Variants in RUNX2 observed in about 807,000 individuals in gnomAD.
RUNX2 encodes RUNX family transcription factor 2.
Under a neutral mutation model 51.7 loss-of-function variants are expected in RUNX2, and 10 were observed. The observed-to-expected ratio is 0.19, with a 90% CI of 0.12 to 0.33. The LOEUF is 0.33. Among genes scored for constraint, RUNX2 ranks in the 10% least tolerant of loss-of-function variants. The pLI is 1.00. For synonymous variants in RUNX2, 276 were observed against 273.6 expected (o/e 1.01, Z -0.09); for missense variants, 562 against 691.3 (o/e 0.81, Z 2.10).
intron 4 of RUNX2, among the ~76,000 whole-genome samples, chr6:45,435,348 C>T (rs1428977849): frequency 6.6e-6 from 1 of 152,016 alleles, no homozygotes; most frequent in Non-Finnish European, 1.5e-5. Context: ...AATTTATGGA[C>T]AATCTATTTT....
In RUNX2 at chr6:45,431,877, A is replaced by G. The variant is rs1172811597; in HGVS notation, c.438A>G (p.Gly146=). ...LPVAFKVVAL[G]EVPDGTVVTV... is the part of the protein sequence containing the mutation. ...GTTTTATGTAGGTGGTAGCCCTCGG[A>G]GAGGTACCAGATGGGACTGTGGTTA... Residue 146 remains glycine, a synonymous_variant, in exon 4 of 9, where the codon GGA becomes GGG. Transcript: ENST00000647337. 1.1e-5 allele frequency: 18 copies of G among 1,613,996 alleles called. No individual in the cohort carries two copies. Among genetic ancestry groups the G allele is most frequent in the East Asian group, 4.5e-5 (2 of 44,894 alleles).
intron 2 of RUNX2, among the ~76,000 whole-genome samples, chr6:45,329,368 T>C (rs1202369359): frequency 6.6e-6 from 1 of 151,978 alleles, no homozygotes; most frequent in Admixed American, 6.6e-5. Flanking sequence ...CAACTTTATA[T>C]AAGTATACAT....
chr6:45,544,146 A>G (rs913803954), intron 7 of RUNX2, among the ~76,000 whole-genome samples: 1 of 152,114 alleles, frequency 6.6e-6, no homozygotes, highest in Non-Finnish European at 1.5e-5. Context: ...GAAAGAGTCC[A>G]TTCTCAAGAC....
intron 2 of RUNX2, among the ~76,000 whole-genome samples, chr6:45,411,737 C>T (rs1236285594): frequency 6.6e-6 from 1 of 152,072 alleles, no homozygotes; most frequent in African/African-American, 2.4e-5. Flanking sequence ...ACACTTCAAC[C>T]AGTTTTCATG....
intron 5 of RUNX2, among the ~76,000 whole-genome samples, chr6:45,476,498 T>C (rs1001125326): frequency 2.6e-5 from 4 of 152,220 alleles, no homozygotes; most frequent in Admixed American, 1.3e-4. Flanking sequence ...TTTTGCCTAC[T>C]CTCTGGCCTG....
chr6:45,359,080 CT>C (rs1482085056), intron 2 of RUNX2, among the ~76,000 whole-genome samples: 1 of 152,040 alleles, frequency 6.6e-6, no homozygotes, highest in Non-Finnish European at 1.5e-5. Flanking sequence ...ACTTTTTTCC[CT>C]GGTAATTACA....
intron 2 of RUNX2, among the ~76,000 whole-genome samples, chr6:45,410,040 A>G (rs75864224): frequency 0.083 from 12,679 of 151,850 alleles, 728 homozygotes; most frequent in South Asian, 0.18. Context: ...CACAAGATAT[A>G]TTTGTTTTCA....
intron 2 of RUNX2, among the ~76,000 whole-genome samples, chr6:45,400,980 T>C (rs1395589656): frequency 6.6e-6 from 1 of 152,224 alleles, no homozygotes; most frequent in Non-Finnish European, 1.5e-5. Context: ...AAAATATTAA[T>C]GTAGAATCTA....
intron 2 of RUNX2, among the ~76,000 whole-genome samples, chr6:45,343,344 T>C (rs1790216893): frequency 1.3e-5 from 2 of 152,184 alleles, no homozygotes; most frequent in Non-Finnish European, 2.9e-5. Flanking sequence ...CTACTAAAGG[T>C]CCCTAAAGTT....
chr6:45,453,169 G>C (rs1410210685), intron 5 of RUNX2, among the ~76,000 whole-genome samples: 2 of 151,980 alleles, frequency 1.3e-5, no homozygotes, highest in African/African-American at 4.8e-5. Flanking sequence ...AGCTACAGCT[G>C]TCTCTTCATG....
intron 7 of RUNX2, among the ~76,000 whole-genome samples, chr6:45,523,464 T>C (rs1023432375): frequency 8.0e-5 from 12 of 150,736 alleles, no homozygotes; most frequent in African/African-American, 2.9e-4. Flanking sequence ...AGAGACGGGG[T>C]TTCACCATGT....
chr6:45,537,960 T>C (rs539970377), intron 7 of RUNX2, among the ~76,000 whole-genome samples: 14 of 152,356 alleles, frequency 9.2e-5, no homozygotes, highest in African/African-American at 3.1e-4. Flanking sequence ...TGAGAATGTA[T>C]GTGAATTTTA....
chr6:45,358,729 T>C (rs1209030184), intron 2 of RUNX2, among the ~76,000 whole-genome samples: 4 of 152,160 alleles, frequency 2.6e-5, no homozygotes, highest in African/African-American at 7.2e-5. Context: ...TTTTCAGATT[T>C]TTGAAAGTTA....
intron 2 of RUNX2, among the ~76,000 whole-genome samples, chr6:45,390,560 T>C (rs1338659832): frequency 6.6e-6 from 1 of 152,234 alleles, no homozygotes; most frequent in Non-Finnish European, 1.5e-5. Flanking sequence ...AATGTTGACA[T>C]AACTAGTCTT....
At chr6:45,520,680 T>C (rs1029244278) in intron 7 of RUNX2, among the ~76,000 whole-genome samples, 5 of 152,182 alleles carry the variant, frequency 3.3e-5, no homozygotes, top group African/African-American at 1.2e-4. Flanking sequence ...CACCCATTTG[T>C]ATGTCATTTC....
chr6:45,380,609 C>T (rs991928300), intron 2 of RUNX2, among the ~76,000 whole-genome samples: 3 of 152,158 alleles, frequency 2.0e-5, no homozygotes, highest in African/African-American at 7.2e-5. Context: ...CAGAGTCTCG[C>T]TCTGTCACCC....
chr6:45,347,300 T>C (rs1791087246), intron 2 of RUNX2, among the ~76,000 whole-genome samples: 2 of 152,208 alleles, frequency 1.3e-5, no homozygotes, highest in African/African-American at 4.8e-5. Context: ...CACTGATATA[T>C]ATATGACTGT....
chr6:45,394,368 T>G (rs994544492), intron 2 of RUNX2, among the ~76,000 whole-genome samples: 2 of 152,044 alleles, frequency 1.3e-5, no homozygotes, highest in African/African-American at 2.4e-5. Flanking sequence ...AACATGAAAT[T>G]TGGAGGGGAC....
chr6:45,406,202 C>A (rs1308860830), intron 2 of RUNX2, among the ~76,000 whole-genome samples: 1 of 152,144 alleles, frequency 6.6e-6, no homozygotes, highest in African/African-American at 2.4e-5. Context: ...GTTGTCTCAA[C>A]AGACTCCTCT....
Sources: allele counts gnomAD v4.1 joint callset (sites outside exome capture counted in the v4.1 genomes callset), GRCh38; gene constraint gnomAD v4.1.1; transcripts MANE v1.5; gene names NCBI Gene and HGNC (gene_info 2026-07-23, HGNC 2026-07-21).